Variants in PAPPA2 observed in about 807,000 individuals in gnomAD.
PAPPA2 encodes pappalysin-2.
Under a neutral mutation model 176.4 loss-of-function variants are expected in PAPPA2, and 86 were observed. The ratio of observed to expected loss-of-function variants is 0.49; its 90% CI spans 0.41 to 0.58. PAPPA2 has a LOEUF of 0.58. Among genes scored for constraint, PAPPA2 ranks in the 20% least tolerant of loss-of-function variants. The probability of loss-of-function intolerance (pLI) is 0.00; values close to 1 mark genes in which losing one functional copy is unlikely to be tolerated. For missense variants in PAPPA2, 2,073 were observed against 2,256.9 expected, an observed-to-expected ratio of 0.92 and a Z score of 1.65; for synonymous variants, 809 against 852.2, an observed-to-expected ratio of 0.95 and a Z score of 0.88.
intron 21 of PAPPA2, among the ~76,000 whole-genome samples, chr1:176,804,553 A>G (rs577341714): frequency 1.3e-5 from 2 of 152,062 alleles, no homozygotes; most frequent in East Asian, 3.9e-4. Flanking sequence ...CATTTTTTCT[A>G]CTTGGAGTAT....
chr1:176,784,636 G>T (rs1484258118), intron 17 of PAPPA2, among the ~76,000 whole-genome samples: 1 of 151,444 alleles, frequency 6.6e-6, no homozygotes, highest in Non-Finnish European at 1.5e-5. Flanking sequence ...TACCAGGCTG[G>T]AGTGCAGTGG....
At chr1:176,465,958 T>G (rs1052102378) in intron 1 of PAPPA2, among the ~76,000 whole-genome samples, 5 of 152,160 alleles carry the variant, frequency 3.3e-5, no homozygotes, top group Admixed American at 2.6e-4. Flanking sequence ...TTGTTCATTC[T>G]CCTATCAGAG....
At chr1:176,501,113 T>G (rs1368234209) in intron 1 of PAPPA2, among the ~76,000 whole-genome samples, 1 of 149,152 alleles carries the variant, frequency 6.7e-6, no homozygotes, top group African/African-American at 2.4e-5. Flanking sequence ...TGATATATAT[T>G]ATACAATTAT....
Position 176,791,421 on chromosome 1 carries a change from C to T in PAPPA2, c.4959C>T (p.Cys1653=), listed in dbSNP as rs1337687523. The T allele has an allele frequency of 6.2e-7, 1 of 1,613,416 alleles. No individual in the cohort carries two copies. The highest frequency in any genetic ancestry group is 8.5e-7 in the Non-Finnish European group (1 of 1,179,504). Residue 1653 remains cysteine (C), a synonymous_variant, in exon 19 of 23, where the codon TGC becomes TGT. Coordinates refer to ENST00000367662, the MANE Select transcript of PAPPA2 (RefSeq NM_020318.3). ...FKLCENLQGE[C]PPPPSELNSV... ...TGTGTGAGAATCTGCAAGGAGAATG[C>T]CCACCACCCCCCTCAGAGCTGAATT...
At chr1:176,790,615 A>C (rs1329125358) in intron 18 of PAPPA2, among the ~76,000 whole-genome samples, 3 of 152,158 alleles carry the variant, frequency 2.0e-5, no homozygotes, top group Non-Finnish European at 4.4e-5. Context: ...CAGATGTGAA[A>C]AGAATATGGC....
chr1:176,696,001 T>C, intron 7 of PAPPA2, 142 bp downstream of exon 7: 1 of 1,148,752 alleles, frequency 8.7e-7, no homozygotes, highest in South Asian at 1.5e-5. Context: ...TGTGTGTGTG[T>C]GTGTGTTTTG....
rs531938116 is a variant in PAPPA2 at position 176,756,382 on chromosome 1, G to A, written c.4152-9284G>A. Among the ~76,000 whole-genome samples the A allele has an allele frequency of 3.9e-5, 6 of 152,292 alleles. 1 individual carries two copies. Among genetic ancestry groups the A allele is most frequent in the Admixed American group, 1.3e-4 (2 of 15,288 alleles). ...GTTCTGCTGTCTCAAGGTTGGGAGAGGTGGAAGAAAATATGTATGTAGGCG... is the reference window on the plus strand; with the variant it reads ...GTTCTGCTGTCTCAAGGTTGGGAGAAGTGGAAGAAAATATGTATGTAGGCG... On this transcript the variant is annotated intron_variant, in intron 14 of 22. Transcript: ENST00000367662.
rs767681785 is a variant in PAPPA2, at chr1:176,769,770, C to T, written c.4487C>T (p.Pro1496Leu). ...CGCTGCTCAATCTCTTGTGTCCCAC[C>T]AGCCAAGCTGCAAGGTATTGTCTGG... is the stretch of plus-strand genomic sequence containing the variant. ...LKRCSISCVP[P>L]AKLQGLSPWL... The change falls in exon 16 of 23, where the codon CCA becomes CTA. Residue 1496 changes from proline to leucine, a missense_variant. Transcript: ENST00000367662. 1.2e-6 allele frequency: 2 copies of T among 1,607,366 alleles called. No homozygotes were observed. Among genetic ancestry groups the T allele is most frequent in the South Asian group, 2.2e-5 (2 of 89,582 alleles).
chr1:176,840,168 T>TA lies in PAPPA2; in HGVS notation c.5203-4dup. ...CTGAGATGTTGCCTTCTAACCTCCCTACAGCCCTTCCAAGCAGATGGTTGG... is the reference window on the plus strand; with the variant it reads ...CTGAGATGTTGCCTTCTAACCTCCCTAACAGCCCTTCCAAGCAGATGGTTGG... On this transcript the variant is annotated splice_polypyrimidine_tract_variant and splice_region_variant and intron_variant, in intron 21 of 22. Transcript: ENST00000367662. 2 of 1,611,672 alleles carry TA rather than the reference T, an allele frequency of 1.2e-6. No individual in the cohort carries two copies. Among genetic ancestry groups the TA allele is most frequent in the Non-Finnish European group, 1.7e-6 (2 of 1,178,078 alleles).
intron 8 of PAPPA2, among the ~76,000 whole-genome samples, chr1:176,701,037 TACACACACACACATAC>T (rs1558529208): frequency 2.3e-5 from 3 of 131,126 alleles, no homozygotes; most frequent in African/African-American, 9.5e-5. Flanking sequence ...TCTAATTTGC[TACACACACACACATAC>T]ACACACACAC....
intron 21 of PAPPA2, among the ~76,000 whole-genome samples, chr1:176,804,380 G>A (rs1056191605): frequency 1.3e-5 from 2 of 152,270 alleles, no homozygotes; most frequent in Non-Finnish European, 2.9e-5. Flanking sequence ...ACGACTGGGC[G>A]AATGGGAGGA....
chr1:176,642,834 A>T (rs1010012094), intron 3 of PAPPA2, among the ~76,000 whole-genome samples: 2 of 151,952 alleles, frequency 1.3e-5, no homozygotes, highest in African/African-American at 4.8e-5. Context: ...CCATTGAGAT[A>T]TTTGGAATCA....
intron 3 of PAPPA2, among the ~76,000 whole-genome samples, chr1:176,597,183 A>G (rs1170092057): frequency 6.6e-6 from 1 of 152,218 alleles, no homozygotes; most frequent in Non-Finnish European, 1.5e-5. Flanking sequence ...AGTCCTTGCT[A>G]CTTAACTAGG....
At chr1:176,467,343 C>T (rs145485630) in intron 1 of PAPPA2, among the ~76,000 whole-genome samples, 4 of 152,242 alleles carry the variant, frequency 2.6e-5, no homozygotes, top group Admixed American at 2.6e-4. Flanking sequence ...AGCTTTTCTC[C>T]TCCTTTTCTT....
intron 12 of PAPPA2, among the ~76,000 whole-genome samples, chr1:176,713,237 C>T (rs1213792250): frequency 6.6e-6 from 1 of 151,726 alleles, no homozygotes; most frequent in Non-Finnish European, 1.5e-5. Context: ...CTTACTATAG[C>T]CTTGAACTCC....
At chr1:176,670,851 G>A (rs1658952478) in intron 3 of PAPPA2, 119 bp from the exon 4 acceptor site, 2 of 1,282,380 alleles carry the variant, frequency 1.6e-6, no homozygotes, top group Non-Finnish European at 2.2e-6. Context: ...TCTGCCCCAT[G>A]CCCCTCCAAA....
At chr1:176,675,550 T>C (rs1351119903) in intron 4 of PAPPA2, among the ~76,000 whole-genome samples, 1 of 152,058 alleles carries the variant, frequency 6.6e-6, no homozygotes, top group Non-Finnish European at 1.5e-5. Context: ...AGAAAGAATT[T>C]AAGAACTAGA....
intron 1 of PAPPA2, among the ~76,000 whole-genome samples, chr1:176,473,094 T>G (rs1008507483): frequency 2.6e-5 from 4 of 152,176 alleles, no homozygotes; most frequent in Non-Finnish European, 5.9e-5. Context: ...TCTATAGATT[T>G]TGAAATTCAT....
chr1:176,812,939 C>G (rs910507950), intron 21 of PAPPA2, among the ~76,000 whole-genome samples: 4 of 152,106 alleles, frequency 2.6e-5, no homozygotes, highest in Non-Finnish European at 5.9e-5. Flanking sequence ...TCTCCCTCCC[C>G]CAACCAACCT....
Sources: allele counts gnomAD v4.1 joint callset (sites outside exome capture counted in the v4.1 genomes callset), GRCh38; gene constraint gnomAD v4.1.1; transcripts MANE v1.5; gene names NCBI Gene and HGNC (gene_info 2026-07-23, HGNC 2026-07-21).